TNKS: variants seen among roughly 807,000 people sequenced by gnomAD.
TNKS encodes poly [ADP-ribose] polymerase tankyrase-1.
Under a neutral mutation model 135.8 loss-of-function variants are expected in TNKS, and 72 were observed. The ratio of observed to expected loss-of-function variants is 0.53; its 90% CI spans 0.44 to 0.64. The LOEUF (loss-of-function observed/expected upper bound fraction) is 0.64. Ranked by LOEUF, TNKS falls within the 30% of genes least tolerant of loss-of-function variation. The pLI is 0.00. For synonymous variants in TNKS, 849 were observed against 649.3 expected (o/e 1.31, Z -4.68); for missense variants, 1,769 against 1,674.0 (o/e 1.06, Z -0.99).
At chr8:9,705,393 T>C (rs1234626178) in intron 6 of TNKS, among the ~76,000 whole-genome samples, 2 of 152,226 alleles carry the variant, frequency 1.3e-5, no homozygotes, top group African/African-American at 4.8e-5. Context: ...ATCTGAAAGA[T>C]AATTAACCCT....
At chr8:9,759,540 T>C (rs1807032111) in intron 20 of TNKS, among the ~76,000 whole-genome samples, 1 of 152,202 alleles carries the variant, frequency 6.6e-6, no homozygotes, top group South Asian at 2.1e-4. Context: ...TTTTTTGTAT[T>C]CATTTTATGA....
intron 5 of TNKS, among the ~76,000 whole-genome samples, chr8:9,697,748 C>A (rs1300548934): frequency 6.6e-6 from 1 of 152,116 alleles, no homozygotes; most frequent in Non-Finnish European, 1.5e-5. Flanking sequence ...CTGTCTCACA[C>A]CACTCAGAAT....
At chr8:9,657,895 C>A (rs1801487846) in intron 3 of TNKS, among the ~76,000 whole-genome samples, 1 of 124,900 alleles carries the variant, frequency 8.0e-6, no homozygotes, top group Admixed American at 7.6e-5. Context: ...GGGGTGGTTG[C>A]CAGGCAGAGG....
chr8:9,759,801 C>T (rs1337909415), intron 20 of TNKS, among the ~76,000 whole-genome samples: 3 of 151,912 alleles, frequency 2.0e-5, no homozygotes, highest in African/African-American at 4.8e-5. Context: ...GGTGAAACCC[C>T]ATCTCTACTA....
rs183373275 is a variant in TNKS, at chr8:9,680,868, A to T, written c.1107+68A>T. 1,302 of 1,174,492 alleles carry T rather than the reference A, an allele frequency of 1.1e-3. 4 individuals are homozygous for T. The highest frequency in any genetic ancestry group is 2.2e-3 in the Admixed American group (127 of 58,056). 72.8% of individuals were successfully genotyped at this position (1,174,492 alleles called of 1,614,324 possible). ...AAAATTTTGTGAATGTGGCATATAT[A>T]TATATAAGCACGTATACCTACATGG... On this transcript the variant is annotated intron_variant, in intron 5 of 26. Coordinates refer to ENST00000310430, the MANE Select transcript of TNKS (RefSeq NM_003747.3).
In TNKS at chr8:9,625,517, T is replaced by C. The variant is rs143879660; in HGVS notation, c.994+9840T>C. ...TTCCCCTTTTTCCTAATGTATGTAT[T>C]TAATGTTATAATTTTTCTTTTAAGT... is the stretch of plus-strand genomic sequence containing the variant. On this transcript the variant is annotated intron_variant, in intron 3 of 26. Transcript: ENST00000310430. Among the ~76,000 whole-genome samples the C allele has an allele frequency of 3.2e-3, 491 of 152,226 alleles. 2 individuals are homozygous for C. The highest frequency in any genetic ancestry group is 0.011 in the African/African-American group (462 of 41,554).
At chr8:9,665,664 T>C (rs1801949997) in intron 3 of TNKS, among the ~76,000 whole-genome samples, 1 of 152,204 alleles carries the variant, frequency 6.6e-6, no homozygotes, top group Non-Finnish European at 1.5e-5. Flanking sequence ...GGTAGCCTCA[T>C]AATAACCTTG....
chr8:9,566,053 C>G (rs982083999), intron 1 of TNKS, among the ~76,000 whole-genome samples: 1 of 152,016 alleles, frequency 6.6e-6, no homozygotes, highest in Non-Finnish European at 1.5e-5. Flanking sequence ...TAATACTCAT[C>G]AACCGTAGAA....
chr8:9,749,457 CT>C (rs932423211), intron 18 of TNKS, among the ~76,000 whole-genome samples: 1 of 149,790 alleles, frequency 6.7e-6, no homozygotes, highest in Non-Finnish European at 1.5e-5. Context: ...TTTTTTTTTC[CT>C]TTTTTTTCTT....
intron 21 of TNKS, among the ~76,000 whole-genome samples, chr8:9,762,242 G>A (rs2128834280): frequency 6.6e-6 from 1 of 152,190 alleles, no homozygotes; most frequent in African/African-American, 2.4e-5. Flanking sequence ...CTATTTGTTA[G>A]AAGCACCTTC....
intron 5 of TNKS, among the ~76,000 whole-genome samples, chr8:9,704,339 A>G (rs1179843745): frequency 2.0e-5 from 3 of 152,234 alleles, no homozygotes; most frequent in Admixed American, 1.3e-4. Flanking sequence ...TATAGGAAAC[A>G]TGAGCCCTGG....
chr8:9,680,869 T>C (rs1475958540), intron 5 of TNKS, 69 bp downstream of exon 5: 1 of 1,176,296 alleles, frequency 8.5e-7, no homozygotes, highest in Non-Finnish European at 1.3e-6. Flanking sequence ...GGCATATATA[T>C]ATATAAGCAC....
intron 3 of TNKS, chr8:9,658,531 T>C: frequency 2.5e-6 from 1 of 407,742 alleles, no homozygotes; most frequent in African/African-American, 2.2e-5. Flanking sequence ...GACAAGCAAA[T>C]GCTGAGAGAT....
intron 3 of TNKS, among the ~76,000 whole-genome samples, chr8:9,619,540 T>A (rs1463629075): frequency 1.3e-5 from 2 of 152,186 alleles, no homozygotes; most frequent in African/African-American, 4.8e-5. Flanking sequence ...AGTGTTTTCC[T>A]AGTGTATTTA....
At chr8:9,765,985 G>T (rs1472107594) in intron 24 of TNKS, among the ~76,000 whole-genome samples, 188 bp downstream of exon 24, 1 of 152,160 alleles carries the variant, frequency 6.6e-6, no homozygotes, top group Non-Finnish European at 1.5e-5. Context: ...AGACTTTCCA[G>T]TGCATATACA....
chr8:9,580,104 G>C (rs918993073), intron 1 of TNKS, 55 bp from the exon 2 acceptor site: 41 of 1,447,286 alleles, frequency 2.8e-5, no homozygotes, highest in Non-Finnish European at 4.0e-5. Flanking sequence ...ATATTCTAAT[G>C]GTTCTTTTTA....
intron 5 of TNKS, among the ~76,000 whole-genome samples, chr8:9,692,701 G>A (rs1039120658): frequency 6.6e-6 from 1 of 152,178 alleles, no homozygotes; most frequent in African/African-American, 2.4e-5. Flanking sequence ...TGATAAAGAA[G>A]TGAATAAAAC....
chr8:9,694,451 G>A (rs368774436), intron 5 of TNKS, among the ~76,000 whole-genome samples: 6 of 152,086 alleles, frequency 3.9e-5, no homozygotes, highest in African/African-American at 1.2e-4. Context: ...TTCAGGACCA[G>A]TCTTTTTTCT....
intron 3 of TNKS, among the ~76,000 whole-genome samples, chr8:9,677,180 C>G (rs1027366744): frequency 6.6e-6 from 1 of 152,052 alleles, no homozygotes; most frequent in African/African-American, 2.4e-5. Flanking sequence ...ATAGTGGATG[C>G]TAGAATGTAT....
Sources: gnomAD v4.1 joint callset for allele counts (sites outside exome capture counted in the v4.1 genomes callset) on GRCh38, gnomAD v4.1.1 for gene constraint, MANE v1.5 for transcripts, NCBI Gene and HGNC (gene_info 2026-07-23, HGNC 2026-07-21) for gene names.